Variants in CRTC3 observed in about 807,000 individuals in gnomAD.
The protein encoded by CRTC3 is CREB regulated transcription coactivator 3.
Under a neutral mutation model 74.5 loss-of-function variants are expected in CRTC3, and 26 were observed. The observed-to-expected ratio is 0.35, with a 90% CI of 0.26 to 0.48. The LOEUF (loss-of-function observed/expected upper bound fraction) is 0.48, where lower values mean the gene tolerates loss of function less well. Among genes scored for constraint, CRTC3 ranks in the 20% least tolerant of loss-of-function variants. The pLI is 0.99. For missense variants in CRTC3, 760 were observed against 787.3 expected (o/e 0.97, Z 0.41); for synonymous variants, 377 against 325.8 (o/e 1.16, Z -1.69).
intron 6 of CRTC3, among the ~76,000 whole-genome samples, chr15:90,607,865 A>C (rs1208391908): frequency 6.6e-6 from 1 of 152,140 alleles, no homozygotes; most frequent in Non-Finnish European, 1.5e-5. Context: ...ATACAACTAG[A>C]AGTGACAGTC....
rs921958493 is a variant in CRTC3 at position 90,575,281 on chromosome 15, G to A, written c.232-18355G>A. Among the ~76,000 whole-genome samples, 3 of 152,160 alleles carry A rather than the reference G, an allele frequency of 2.0e-5. No homozygotes were observed. The East Asian group carries it at 5.8e-4, about 29-fold the overall frequency. On this transcript the variant is annotated intron_variant, in intron 2 of 14. Transcript: ENST00000268184. ...CGGGAAAATCGCTTGAACCCGGGAG[G>A]CGGAGGTTGCAGTGAGCCAAGATTG...
At chr15:90,537,046 C>T (rs893335284) in intron 1 of CRTC3, among the ~76,000 whole-genome samples, 1 of 152,196 alleles carries the variant, frequency 6.6e-6, no homozygotes, top group African/African-American at 2.4e-5. Flanking sequence ...GGCCTATGGG[C>T]TGCCAGTCTG....
intron 1 of CRTC3, among the ~76,000 whole-genome samples, chr15:90,537,471 C>T (rs577381398): frequency 1.3e-5 from 2 of 152,190 alleles, no homozygotes; most frequent in African/African-American, 2.4e-5. Context: ...GCAAGCTCCG[C>T]CTCCCGGGTT....
chr15:90,561,002 C>G (rs548063059), intron 2 of CRTC3, among the ~76,000 whole-genome samples: 15 of 152,294 alleles, frequency 9.8e-5, no homozygotes, highest in African/African-American at 3.4e-4. Flanking sequence ...TTGATGGTCA[C>G]AAGTGCAGTC....
intron 1 of CRTC3, 141 bp from the exon 2 acceptor site, chr15:90,539,898 G>C: frequency 1.5e-6 from 1 of 662,534 alleles, no homozygotes; most frequent in South Asian, 1.7e-5. Flanking sequence ...CGGAAACCTT[G>C]AGGGTGTGAT....
intron 2 of CRTC3, among the ~76,000 whole-genome samples, chr15:90,558,588 T>C (rs775461804): frequency 6.6e-6 from 1 of 152,120 alleles, no homozygotes; most frequent in Non-Finnish European, 1.5e-5. Context: ...TTTCCAGATA[T>C]GTGAATGGCT....
chr15:90,638,609 C>G lies in CRTC3; in HGVS notation c.1430C>G (p.Ser477Ter). The G allele has an allele frequency of 6.2e-7, 1 of 1,613,378 alleles. No homozygotes were observed. The highest frequency in any genetic ancestry group is 8.5e-7 in the Non-Finnish European group (1 of 1,180,016). ...GCCCAGCAGCCCCAGGCAGCCTCCT[C>G]ACTGCCACAGTCAGACTTTCAGCTT... ...APAQQPQAASSLPQSDFQLLP... is the reference protein window; with the variant it reads ...APAQQPQAAS Residue 477 changes from serine to a stop codon, truncating the protein, a stop_gained, in exon 12 of 15, where the codon TCA (serine) becomes TGA (stop). Transcript: ENST00000268184. LOFTEE classifies it high-confidence loss of function.
At chr15:90,598,449 G>C (rs1321092508) in intron 3 of CRTC3, 3 of 703,020 alleles carry the variant, frequency 4.3e-6, no homozygotes, top group Non-Finnish European at 7.8e-6. Context: ...ACACTCCACA[G>C]GTTGAGAGGA....
chr15:90,628,518 C>T (rs78903728), intron 10 of CRTC3, among the ~76,000 whole-genome samples: 2,756 of 152,272 alleles, frequency 0.018, 77 homozygotes, highest in African/African-American at 0.062. Flanking sequence ...GACAGGATCC[C>T]CAGTTTCTGG....
chr15:90,627,673 G>C (rs1164595873), intron 10 of CRTC3, among the ~76,000 whole-genome samples: 1 of 150,886 alleles, frequency 6.6e-6, no homozygotes, highest in Non-Finnish European at 1.5e-5. Context: ...CCAGGCTGGA[G>C]TGCAGTGGCG....
chr15:90,541,114 G>C (rs1966795286), intron 2 of CRTC3, among the ~76,000 whole-genome samples: 2 of 152,204 alleles, frequency 1.3e-5, no homozygotes, highest in South Asian at 4.1e-4. Context: ...TGGTGTTTCA[G>C]ACAATGGTAT....
chr15:90,565,878 A>G (rs12148672), intron 2 of CRTC3, among the ~76,000 whole-genome samples: 103,322 of 152,044 alleles, frequency 0.68, 36,358 homozygotes, highest in Non-Finnish European at 0.77. Context: ...CCCTGAGATA[A>G]CAATATTGAA....
intron 2 of CRTC3, among the ~76,000 whole-genome samples, chr15:90,549,688 T>C (rs1434465405): frequency 6.9e-6 from 1 of 144,000 alleles, no homozygotes; most frequent in Non-Finnish European, 1.5e-5. Flanking sequence ...TTCACTTATT[T>C]TATTTTATTC....
In CRTC3 at chr15:90,645,216, C is replaced by G. The variant is rs954774214; in HGVS notation, c.*3076C>G. 2.2e-5 allele frequency: 5 copies of G among 229,256 alleles called. No homozygotes were observed. Among genetic ancestry groups the G allele is most frequent in the African/African-American group, 8.9e-5 (4 of 45,060 alleles). The allele number at this position is 229,256 out of a possible 1,614,324, so 14.2% of individuals were successfully genotyped here. ...AACTAATCAGACTTCCTGCCAGTGT[C>G]CTAACCCCCAGGGCACCCTGTTCAA... On this transcript the variant is annotated 3_prime_UTR_variant, in exon 15 of 15. Coordinates refer to ENST00000268184, the MANE Select transcript of CRTC3 (RefSeq NM_022769.5).
intron 6 of CRTC3, 104 bp from the exon 7 acceptor site, chr15:90,614,349 C>T: frequency 1.2e-6 from 1 of 832,246 alleles, no homozygotes; most frequent in South Asian, 1.8e-5. Context: ...TTAGAATTTT[C>T]AAAATTCTAT....
intron 2 of CRTC3, among the ~76,000 whole-genome samples, chr15:90,541,803 T>TTTTTTTTG (rs1966807422): frequency 6.7e-6 from 1 of 149,296 alleles, no homozygotes; most frequent in African/African-American, 2.5e-5. Context: ...TTTTTTTTTT[T>TTTTTTTTG]GAGATGGAGT....
chr15:90,634,942 T>G, intron 11 of CRTC3: 1 of 1,572,544 alleles, frequency 6.4e-7, no homozygotes, highest in Non-Finnish European at 8.7e-7. Context: ...AAAGTTCTTC[T>G]CCCAGAATAT....
At chr15:90,533,229 C>T (rs1166948406) in intron 1 of CRTC3, among the ~76,000 whole-genome samples, 2 of 150,866 alleles carry the variant, frequency 1.3e-5, no homozygotes, top group Non-Finnish European at 2.9e-5. Context: ...CAGTGAAACC[C>T]TGTCTTTACT....
chr15:90,607,250 C>T (rs1182472588), intron 5 of CRTC3, 128 bp from the exon 6 acceptor site: 1 of 615,246 alleles, frequency 1.6e-6, no homozygotes. Flanking sequence ...GTCCTAACCC[C>T]TTATTTGATG....
Sources: allele counts gnomAD v4.1 joint callset (sites outside exome capture counted in the v4.1 genomes callset), GRCh38; gene constraint gnomAD v4.1.1; transcripts MANE v1.5; gene names NCBI Gene and HGNC (gene_info 2026-07-23, HGNC 2026-07-21).